Variants in STRAP observed in about 807,000 individuals in gnomAD.
The protein encoded by STRAP is serine/threonine kinase receptor associated protein.
STRAP carries 16 observed loss-of-function variants against 47.0 expected under a neutral mutation model. The observed-to-expected ratio is 0.34, with a 90% CI of 0.23 to 0.52. The LOEUF is 0.52. Among genes scored for constraint, STRAP ranks in the 20% least tolerant of loss-of-function variants. The probability of loss-of-function intolerance (pLI) is 0.96; values close to 1 mark genes in which losing one functional copy is unlikely to be tolerated. For missense variants in STRAP, 293 were observed against 420.0 expected (o/e 0.70, Z 2.64); for synonymous variants, 130 against 142.7 (o/e 0.91, Z 0.63).
In STRAP at chr12:15,897,967, G is replaced by A. The variant is rs185224819; in HGVS notation, c.724G>A (p.Gly242Ser). ...HPEKEFLVAG[G>S]EDFKLYKYDY... ...TGAGAAAGAATTTCTTGTTGCAGGCGGTGAAGATTTTAAACTTTATAAGTA... is the reference window on the plus strand; with the variant it reads ...TGAGAAAGAATTTCTTGTTGCAGGCAGTGAAGATTTTAAACTTTATAAGTA... Residue 242 changes from glycine to serine, a missense_variant, in exon 7 of 10, where the codon GGT becomes AGT. Physicochemically the swap from Gly to Ser is moderately conservative, Grantham distance 56. Coordinates refer to ENST00000419869, the MANE Select transcript of STRAP (RefSeq NM_007178.4). 3.1e-6 allele frequency: 5 copies of A among 1,601,860 alleles called. No individual in the cohort carries two copies. The highest frequency in any genetic ancestry group is 1.7e-5 in the Admixed American group (1 of 57,876).
rs200923708 is a variant in STRAP at position 15,893,999 on chromosome 12, T to A, written c.404-48T>A. ...ATAATTGTTCCGATATTGTTCAGTTTAAAAAATCATATATTAACAAATGTA... is the reference window on the plus strand; with the variant it reads ...ATAATTGTTCCGATATTGTTCAGTTAAAAAAATCATATATTAACAAATGTA... On this transcript the variant is annotated intron_variant, in intron 4 of 9. Coordinates refer to ENST00000419869, the MANE Select transcript of STRAP (RefSeq NM_007178.4). The A allele has an allele frequency of 5.0e-4, 699 of 1,388,922 alleles. 1 individual carries two copies. In the Middle Eastern group the frequency reaches 6.6e-3, roughly 13 times the overall value. The allele number at this position is 1,388,922 out of a possible 1,614,324, so 86.0% of individuals were successfully genotyped here.
chr12:15,895,094 C>T (rs1446968836), intron 5 of STRAP, among the ~76,000 whole-genome samples: 2 of 152,136 alleles, frequency 1.3e-5, no homozygotes, highest in African/African-American at 2.4e-5. Context: ...TAGATTAGAA[C>T]TTGTCTTAAT....
Position 15,903,066 on chromosome 12 carries a change from A to G in STRAP, c.*88A>G. The G allele has an allele frequency of 7.3e-7, 1 of 1,367,142 alleles. No homozygotes were observed. Among genetic ancestry groups the G allele is most frequent in the Non-Finnish European group, 9.7e-7 (1 of 1,027,850 alleles). The allele number at this position is 1,367,142 out of a possible 1,614,324, so 84.7% of individuals were successfully genotyped here. A position where few individuals can be genotyped will look rare whatever the true frequency, so the allele number is the denominator to read the frequency against. On this transcript the variant is annotated 3_prime_UTR_variant, in exon 10 of 10. Transcript: ENST00000419869. The stretch of plus-strand genomic sequence containing the variant: ...AGCCTTCCAGAGTTACTGTCTGCTT[A>G]AGGCAGAAACAGCAGTAAATAATGA...
chr12:15,900,163 A>G (rs1455247795), intron 8 of STRAP, 110 bp downstream of exon 8: 9 of 1,173,596 alleles, frequency 7.7e-6, no homozygotes, highest in Admixed American at 5.6e-5. Context: ...TTTAAATTAT[A>G]TATTATGGTT....
Position 15,882,636 on chromosome 12 carries a change from A to C in STRAP, c.-72A>C. ...GCGGGGGCCTGGAGCAGCCCGAGGC[A>C]CTGCAGCAGAAGAGAGAAAAGACAA... On this transcript the variant is annotated 5_prime_UTR_variant, in exon 1 of 10. Transcript: ENST00000419869. 7.9e-7 allele frequency: 1 copy of C among 1,272,324 alleles called. No homozygotes were observed. Among genetic ancestry groups the C allele is most frequent in the Non-Finnish European group, 1.1e-6 (1 of 901,450 alleles). 78.8% of individuals were successfully genotyped at this position (1,272,324 alleles called of 1,614,324 possible).
intron 7 of STRAP, 110 bp from the exon 8 acceptor site, chr12:15,899,794 G>A: frequency 9.8e-7 from 1 of 1,022,390 alleles, no homozygotes; most frequent in Non-Finnish European, 1.5e-6. Flanking sequence ...TTTAATGTTT[G>A]CCTTAAGAAT....
rs778265121 is a variant in STRAP, at chr12:15,895,383, A to G, written c.525A>G (p.Thr175=). 2 of 1,591,988 alleles carry G rather than the reference A, an allele frequency of 1.3e-6. No homozygotes were observed. The highest frequency in any genetic ancestry group is 1.7e-6 in the Non-Finnish European group (2 of 1,173,848). ...TVRLWDHATM[T]EVKSLNFNMS... The stretch of plus-strand genomic sequence containing the variant: ...GACTTTGGGATCATGCTACTATGAC[A>G]GAAGTGAAATCTCTAAATTTTAATA... The change falls in exon 6 of 10, where the codon ACA becomes ACG. Residue 175 remains threonine (T), a synonymous_variant. Coordinates refer to ENST00000419869, the MANE Select transcript of STRAP (RefSeq NM_007178.4).
At chr12:15,888,943 A>AT (rs1184518364) in intron 2 of STRAP, among the ~76,000 whole-genome samples, 3 of 152,010 alleles carry the variant, frequency 2.0e-5, no homozygotes, top group South Asian at 2.1e-4. Context: ...CTTTTCTCTG[A>AT]TTTTTTTCCC....
chr12:15,898,086 AT>A, intron 7 of STRAP, 68 bp downstream of exon 7: 1 of 1,321,482 alleles, frequency 7.6e-7, no homozygotes, highest in Admixed American at 2.5e-5. Flanking sequence ...TTAACACCTC[AT>A]TTATATATAT....
At chr12:15,883,482 A>T (rs1947941682) in intron 1 of STRAP, 59 bp from the exon 2 acceptor site, 13 of 1,538,692 alleles carry the variant, frequency 8.4e-6, no homozygotes, top group South Asian at 1.2e-5. Flanking sequence ...TTACATTTGA[A>T]TCTTAGACTT....
Position 15,903,366 on chromosome 12 carries a change from AAAG to A in STRAP, c.*393_*395del, listed in dbSNP as rs1948120449. ...CCTTTTCTTTTTTTGCTTCAGTTGT[AAAG>A]AAGAGGGAATACATGATAAAGTAAC... On this transcript the variant is annotated 3_prime_UTR_variant, in exon 10 of 10. Transcript: ENST00000419869. The A allele has an allele frequency of 6.4e-6, 1 of 156,202 alleles. No individual in the cohort carries two copies. Among genetic ancestry groups the A allele is most frequent in the South Asian group, 2.1e-4 (1 of 4,864 alleles). 9.7% of individuals were successfully genotyped at this position (156,202 alleles called of 1,614,324 possible). A position where few individuals can be genotyped will look rare whatever the true frequency, so the allele number is the denominator to read the frequency against.
At chr12:15,900,875 C>G (rs1948097514) in intron 8 of STRAP, 72 bp from the exon 9 acceptor site, 1 of 1,270,112 alleles carries the variant, frequency 7.9e-7, no homozygotes, top group Admixed American at 2.9e-5. Flanking sequence ...TGTTGCTCTT[C>G]TTGCTTATTG....
rs1288112173 is a variant in STRAP, at chr12:15,887,527, A to T, written c.249-2401A>T. Among the ~76,000 whole-genome samples, 2 of 152,220 alleles carry T rather than the reference A, an allele frequency of 1.3e-5. No individual in the cohort carries two copies. The highest frequency in any genetic ancestry group is 1.3e-4 in the Admixed American group (2 of 15,286). ...AGATTAGATCCATTTTAGGGCTCTT[A>T]CTGTGAATAATGGAAATCTGCCAGA... On this transcript the variant is annotated intron_variant, in intron 2 of 9. Coordinates refer to ENST00000419869, the MANE Select transcript of STRAP (RefSeq NM_007178.4). The surrounding 1 kb of genome is among the most constrained non-coding windows in gnomAD (Gnocchi z 5.5).
chr12:15,902,907 T>TTTG lies in STRAP; in HGVS notation c.992-9_992-8insTGT. On this transcript the variant is annotated splice_polypyrimidine_tract_variant and intron_variant, in intron 9 of 9. Coordinates refer to ENST00000419869, the MANE Select transcript of STRAP (RefSeq NM_007178.4). ...TGACTTTTTTTTTTTTTTTTTTTTT[T>TTTG]TACTTATAGAAGAAATTGCTTCAGA... 6.6e-7 allele frequency: 1 copy of TTTG among 1,506,806 alleles called. No homozygotes were observed. Among genetic ancestry groups the TTTG allele is most frequent in the South Asian group, 1.3e-5 (1 of 76,546 alleles). The allele number at this position is 1,506,806 out of a possible 1,614,324, so 93.3% of individuals were successfully genotyped here. A position where few individuals can be genotyped will look rare whatever the true frequency, so the allele number is the denominator to read the frequency against.
At chr12:15,886,229 G>T (rs566146918) in intron 2 of STRAP, among the ~76,000 whole-genome samples, 3 of 150,844 alleles carry the variant, frequency 2.0e-5, no homozygotes, top group Admixed American at 1.3e-4. Context: ...GGTCTTAGGT[G>T]CCTAGGCTAG....
intron 2 of STRAP, among the ~76,000 whole-genome samples, chr12:15,889,414 A>ATCT (rs1366412784): frequency 1.3e-5 from 2 of 152,138 alleles, no homozygotes; most frequent in Non-Finnish European, 2.9e-5. Flanking sequence ...TCTCTCCACT[A>ATCT]TCTTAATTTA....
Position 15,901,132 on chromosome 12 carries a change from A to G in STRAP, c.991+120A>G, listed in dbSNP as rs1358865981. 5 of 670,086 alleles carry G rather than the reference A, an allele frequency of 7.5e-6. No individual in the cohort carries two copies. In the Admixed American group the frequency reaches 1.9e-4, roughly 25 times the overall value. The allele number at this position is 670,086 out of a possible 1,614,324, so 41.5% of individuals were successfully genotyped here. ...AATATGAACATATTTAAATAATGGAAACTTTAAATATTTATGCATGTATAT... is the reference window on the plus strand; with the variant it reads ...AATATGAACATATTTAAATAATGGAGACTTTAAATATTTATGCATGTATAT... On this transcript the variant is annotated intron_variant, in intron 9 of 9. Transcript: ENST00000419869.
Position 15,882,500 on chromosome 12 carries a change from A to C in STRAP, c.-208A>C, listed in dbSNP as rs1413523462. ...CTCCCTCCCTTTCCCTCCCTCGTCG[A>C]CTGTTGCTTGCTGGTCGCAGACTCC... On this transcript the variant is annotated 5_prime_UTR_variant, in exon 1 of 10. Transcript: ENST00000419869. 1.9e-5 allele frequency: 9 copies of C among 466,150 alleles called. No individual in the cohort carries two copies. Among genetic ancestry groups the C allele is most frequent in the Admixed American group, 7.0e-5 (2 of 28,544 alleles). The allele number at this position is 466,150 out of a possible 1,614,324, so 28.9% of individuals were successfully genotyped here.
intron 9 of STRAP, among the ~76,000 whole-genome samples, chr12:15,901,650 T>A (rs894534550): frequency 6.6e-6 from 1 of 151,972 alleles, no homozygotes; most frequent in African/African-American, 2.4e-5. Flanking sequence ...AAGATTGCCT[T>A]GGTAGTTCAA....
Sources: allele counts gnomAD v4.1 joint callset (sites outside exome capture counted in the v4.1 genomes callset), GRCh38; gene constraint gnomAD v4.1.1; non-coding constraint Gnocchi (gnomAD v3.1); transcripts MANE v1.5; gene names NCBI Gene and HGNC (gene_info 2026-07-23, HGNC 2026-07-21).